The following ARHGAP44 variants were observed in gnomAD, a reference collection of about 807,000 sequenced individuals.
The protein encoded by ARHGAP44 is rho GTPase-activating protein 44.
A neutral mutation model predicts 106.8 loss-of-function variants in ARHGAP44; 43 were observed. That is an observed-to-expected ratio of 0.40 (90% confidence interval 0.32 to 0.52). The LOEUF is 0.52. Among genes scored for constraint, ARHGAP44 ranks in the 20% least tolerant of loss-of-function variants. The probability of loss-of-function intolerance (pLI) is 0.48; values close to 1 mark genes in which losing one functional copy is unlikely to be tolerated. For synonymous variants in ARHGAP44, 439 were observed against 410.3 expected, an observed-to-expected ratio of 1.07 and a Z score of -0.85; for missense variants, 866 against 1,050.5, an observed-to-expected ratio of 0.82 and a Z score of 2.43.
chr17:12,901,948 A>G (rs1055777042), intron 3 of ARHGAP44, among the ~76,000 whole-genome samples: 2 of 151,778 alleles, frequency 1.3e-5, no homozygotes, highest in African/African-American at 4.9e-5. Context: ...ACCCTAGTCT[A>G]AGCAGCTGTC....
chr17:12,790,449 G>C (rs1358800523), intron 1 of ARHGAP44: 1 of 153,280 alleles, frequency 6.5e-6, no homozygotes, highest in African/African-American at 2.4e-5. Context: ...GCGTTTGGTG[G>C]GGGGAAAGGG....
rs149589629 is a variant in ARHGAP44, at chr17:12,944,261, A to G, written c.861+65A>G. ...TCCTCTTCCACGAGACAGAGCTTAC[A>G]GGATCCTCTCTCCTGTACCATCTCC... On this transcript the variant is annotated intron_variant, in intron 10 of 20. Coordinates refer to ENST00000379672, the MANE Select transcript of ARHGAP44 (RefSeq NM_014859.6). 8.5e-6 allele frequency: 13 copies of G among 1,523,830 alleles called. No homozygotes were observed. In the East Asian group the frequency reaches 2.8e-4, roughly 32 times the overall value. The allele number at this position is 1,523,830 out of a possible 1,614,324, so 94.4% of individuals were successfully genotyped here.
intron 6 of ARHGAP44, among the ~76,000 whole-genome samples, chr17:12,920,232 C>T (rs1044893315): frequency 1.1e-4 from 16 of 150,906 alleles, no homozygotes; most frequent in Middle Eastern, 3.4e-3. Context: ...AAAAATTAGC[C>T]GGGCATGGTG....
At position 12,808,121 on chromosome 17, in the gene ARHGAP44, G is replaced by A. The variant is rs140343253; in HGVS notation, c.53+18230G>A. On this transcript the variant is annotated intron_variant, in intron 1 of 20. Coordinates refer to ENST00000379672, the MANE Select transcript of ARHGAP44 (RefSeq NM_014859.6). The stretch of plus-strand genomic sequence containing the variant: ...ACATTCAGGGGACACTGATGCAACA[G>A]GTGGGCTCCCACAACCTGGGGCAGC... Among the ~76,000 whole-genome samples the A allele has an allele frequency of 1.4e-3, 209 of 152,366 alleles. 1 individual carries two copies. The highest frequency in any genetic ancestry group is 4.7e-3 in the African/African-American group (197 of 41,586).
At chr17:12,872,547 G>A (rs548489323) in intron 1 of ARHGAP44, among the ~76,000 whole-genome samples, 4 of 152,192 alleles carry the variant, frequency 2.6e-5, no homozygotes, top group Non-Finnish European at 4.4e-5. Flanking sequence ...AGATTCAAGC[G>A]AATTTTCATT....
intron 10 of ARHGAP44, among the ~76,000 whole-genome samples, chr17:12,944,549 G>A (rs1056880652): frequency 4.0e-4 from 60 of 151,568 alleles, no homozygotes; most frequent in South Asian, 2.1e-4. Flanking sequence ...GCAGTGGCGC[G>A]ATCTTGGTTC....
rs1171216133 is a variant in ARHGAP44, at chr17:12,814,233, G to GT, written c.53+24343dup. 1.2e-4 allele frequency among the ~76,000 whole-genome samples: 16 copies of GT among 136,640 alleles called. 1 individual carries two copies. The highest frequency in any genetic ancestry group is 2.2e-4 in the Non-Finnish European group (14 of 64,900). 89.6% of individuals were successfully genotyped at this position (136,640 alleles called of 152,430 possible). On this transcript the variant is annotated intron_variant, in intron 1 of 20. Coordinates refer to ENST00000379672, the MANE Select transcript of ARHGAP44 (RefSeq NM_014859.6). ...TACTGTGCAGCCACCTCCCAAACTG[G>GT]TGTTTTTTTTTTTTTTTTTTTTTTT...
At position 12,949,125 on chromosome 17, in the gene ARHGAP44, C is replaced by G; in HGVS notation, c.862-15C>G. On this transcript the variant is annotated splice_polypyrimidine_tract_variant and intron_variant, in intron 10 of 20. Transcript: ENST00000379672. This position sits in a 1 kb window ranked among gnomAD's most constrained non-coding sequence, Gnocchi z 4.1. ...CTTGGAGTTGCTGTGCGCTGACCCT[C>G]TGTCCTGTTGGTAGGGACTCTTCCG... 1 of 1,557,794 alleles carries G rather than the reference C, an allele frequency of 6.4e-7. No homozygotes were observed. Among genetic ancestry groups the G allele is most frequent in the Non-Finnish European group, 8.7e-7 (1 of 1,150,668 alleles).
intron 1 of ARHGAP44, among the ~76,000 whole-genome samples, chr17:12,882,160 T>C (rs912147445): frequency 5.3e-5 from 8 of 152,198 alleles, no homozygotes; most frequent in Non-Finnish European, 4.4e-5. Flanking sequence ...CCTGACTTCA[T>C]TCATGTCTTT....
In ARHGAP44 at chr17:12,789,707, G is replaced by T. The variant is rs1683011818; in HGVS notation, c.-132G>T. 1 of 741,392 alleles carries T rather than the reference G, an allele frequency of 1.3e-6. No individual in the cohort carries two copies. Among genetic ancestry groups the T allele is most frequent in the African/African-American group, 1.9e-5 (1 of 53,848 alleles). The allele number at this position is 741,392 out of a possible 1,614,324, so 45.9% of individuals were successfully genotyped here. On this transcript the variant is annotated 5_prime_UTR_variant, in exon 1 of 21. Coordinates refer to ENST00000379672, the MANE Select transcript of ARHGAP44 (RefSeq NM_014859.6). The stretch of plus-strand genomic sequence containing the variant: ...GGAGGGAGCTGCGCGCGGGCCAGAC[G>T]GCGCCCGGAGGCTCCGCAGTGCCGC...
intron 13 of ARHGAP44, 84 bp from the exon 14 acceptor site, chr17:12,955,783 A>G (rs2039111930): frequency 4.0e-6 from 3 of 755,026 alleles, no homozygotes; most frequent in Non-Finnish European, 6.8e-6. Flanking sequence ...GATATGTGAC[A>G]TGAGAGAAGC....
rs536941751 is a variant in ARHGAP44, at chr17:12,954,066, T to A, written c.1136+1485T>A. Reference sequence around the variant, plus strand: ...CCATGCCTGGCTAATTTTTGTGTTTTTTTTTTTTTTTAGTAGAGACGGGGT... The same window carrying A: ...CCATGCCTGGCTAATTTTTGTGTTTATTTTTTTTTTTAGTAGAGACGGGGT... On this transcript the variant is annotated intron_variant, in intron 13 of 20. Coordinates refer to ENST00000379672, the MANE Select transcript of ARHGAP44 (RefSeq NM_014859.6). Among the ~76,000 whole-genome samples the A allele has an allele frequency of 7.7e-3, 1,158 of 151,306 alleles. 6 individuals carry two copies. Among genetic ancestry groups the A allele is most frequent in the Middle Eastern group, 0.017 (5 of 290 alleles).
intron 1 of ARHGAP44, among the ~76,000 whole-genome samples, chr17:12,866,319 C>T (rs1232240759): frequency 1.3e-5 from 2 of 152,178 alleles, no homozygotes; most frequent in East Asian, 3.9e-4. Flanking sequence ...ATCTCATCGT[C>T]TGCCTTAATA....
chr17:12,911,000 G>C (rs530612873), intron 4 of ARHGAP44, among the ~76,000 whole-genome samples: 2 of 140,710 alleles, frequency 1.4e-5, no homozygotes, highest in African/African-American at 5.4e-5. Flanking sequence ...AGGATGAAAA[G>C]GAAAATAAAA....
At chr17:12,797,841 A>G (rs1299195695) in intron 1 of ARHGAP44, among the ~76,000 whole-genome samples, 1 of 152,184 alleles carries the variant, frequency 6.6e-6, no homozygotes, top group Non-Finnish European at 1.5e-5. Context: ...ATCTGGGAAT[A>G]GGGCATGTTT....
chr17:12,839,845 A>G (rs1010935199), intron 1 of ARHGAP44, among the ~76,000 whole-genome samples: 2 of 152,212 alleles, frequency 1.3e-5, no homozygotes, highest in Non-Finnish European at 2.9e-5. Flanking sequence ...ACCCAGGAAT[A>G]AAACAAGTCA....
chr17:12,939,641 A>AT (rs1201610056), intron 7 of ARHGAP44, among the ~76,000 whole-genome samples: 4 of 151,628 alleles, frequency 2.6e-5, no homozygotes, highest in Non-Finnish European at 2.9e-5. Flanking sequence ...AATTTTTTGT[A>AT]TTTTTTAGTA....
intron 1 of ARHGAP44, among the ~76,000 whole-genome samples, chr17:12,821,721 C>T (rs764754535): frequency 7.2e-5 from 11 of 152,188 alleles, no homozygotes; most frequent in East Asian, 1.9e-4. Context: ...GGAAGCAGAG[C>T]GTTATGTTCC....
Position 12,923,397 on chromosome 17 carries a change from G to A in ARHGAP44, c.464+3566G>A, listed in dbSNP as rs566668113. Among the ~76,000 whole-genome samples the A allele has an allele frequency of 2.0e-5, 3 of 152,258 alleles. No homozygotes were observed. In the East Asian group the frequency reaches 5.8e-4, roughly 29 times the overall value. ...AATTTTTGTATTTTTAGTAATTTTA[G>A]TAGAGACGGGGTTTCGCCATGTTGG... On this transcript the variant is annotated intron_variant, in intron 6 of 20. Coordinates refer to ENST00000379672, the MANE Select transcript of ARHGAP44 (RefSeq NM_014859.6).
Sources: gnomAD v4.1 joint callset for allele counts (sites outside exome capture counted in the v4.1 genomes callset) on GRCh38, gnomAD v4.1.1 for gene constraint, Gnocchi (gnomAD v3.1) non-coding constraint, MANE v1.5 for transcripts, NCBI Gene and HGNC (gene_info 2026-07-23, HGNC 2026-07-21) for gene names.